Variants in COL4A1 observed in about 807,000 individuals in gnomAD.
The protein encoded by COL4A1 is collagen type IV alpha 1 chain, also known as collagen alpha-1(IV) chain.
In COL4A1, 40 loss-of-function variants were observed where a neutral mutation model predicts 216.6. The observed-to-expected ratio is 0.18, with a 90% CI of 0.14 to 0.24. The LOEUF (loss-of-function observed/expected upper bound fraction) is 0.24. Among genes scored for constraint, COL4A1 ranks in the 10% least tolerant of loss-of-function variants. COL4A1 has a pLI of 1.00. For missense variants in COL4A1, 1,628 were observed against 2,196.8 expected (o/e 0.74, Z 5.18); for synonymous variants, 839 against 810.7 (o/e 1.03, Z -0.59).
chr13:110,224,299 C>A (rs929614614), intron 2 of COL4A1, among the ~76,000 whole-genome samples: 1 of 152,136 alleles, frequency 6.6e-6, no homozygotes, highest in African/African-American at 2.4e-5. Flanking sequence ...AAGAGGTTAG[C>A]TCTCTTCTGA....
intron 11 of COL4A1, 146 bp downstream of exon 11, chr13:110,209,246 T>G: frequency 1.5e-6 from 1 of 670,984 alleles, no homozygotes; most frequent in Non-Finnish European, 2.6e-6. Flanking sequence ...AAATGATATA[T>G]GATAGATACT....
intron 1 of COL4A1, among the ~76,000 whole-genome samples, chr13:110,259,204 A>G (rs781742938): frequency 6.6e-6 from 1 of 152,186 alleles, no homozygotes; most frequent in Non-Finnish European, 1.5e-5. Flanking sequence ...TTTCTTTTCA[A>G]AAAGTCACCA....
chr13:110,203,092 G>A (rs1420331926), intron 18 of COL4A1, among the ~76,000 whole-genome samples: 4 of 151,900 alleles, frequency 2.6e-5, no homozygotes, highest in East Asian at 1.9e-4. Flanking sequence ...GGGCACCTGC[G>A]ATCACAGCTA....
At chr13:110,257,663 T>G (rs139205999) in intron 1 of COL4A1, among the ~76,000 whole-genome samples, 3 of 152,250 alleles carry the variant, frequency 2.0e-5, no homozygotes, top group African/African-American at 7.2e-5. Context: ...TCAGTGCATG[T>G]TGAGGCCTCC....
At chr13:110,270,293 C>A (rs1416922123) in intron 1 of COL4A1, among the ~76,000 whole-genome samples, 6 of 152,200 alleles carry the variant, frequency 3.9e-5, no homozygotes, top group Non-Finnish European at 1.5e-5. Context: ...AACAGTGCAA[C>A]CTTCCTCTTA....
At chr13:110,282,791 T>C (rs952883235) in intron 1 of COL4A1, among the ~76,000 whole-genome samples, 4 of 152,212 alleles carry the variant, frequency 2.6e-5, no homozygotes, top group African/African-American at 7.2e-5. Context: ...ATGAACTCTT[T>C]ATTTAAGTAT....
chr13:110,229,637 A>C (rs1171954925), intron 2 of COL4A1, among the ~76,000 whole-genome samples: 2 of 152,262 alleles, frequency 1.3e-5, no homozygotes, highest in South Asian at 4.1e-4. Flanking sequence ...TCATGAACAG[A>C]ATTAGTGTTC....
chr13:110,183,039 A>T lies in COL4A1; in HGVS notation c.2049T>A (p.Ala683=), dbSNP rs766844993. 56 of 1,613,284 alleles carry T rather than the reference A, an allele frequency of 3.5e-5. No individual in the cohort carries two copies. Among genetic ancestry groups the T allele is most frequent in the Non-Finnish European group, 4.5e-5 (53 of 1,179,930 alleles). ...GRPGLPGEKG[A]VGQPGIGFPG... The stretch of plus-strand genomic sequence containing the variant: ...GAAATCCAATGCCTGGCTGGCCCAC[A>T]GCGCCCTTCTCTCCTGGCAGGCCTG... The change falls in exon 28 of 52, where the codon GCT becomes GCA. Residue 683 remains alanine, a synonymous_variant. Transcript: ENST00000375820.
chr13:110,306,774 A>G (rs1412074625), intron 1 of COL4A1, among the ~76,000 whole-genome samples, 170 bp downstream of exon 1: 1 of 152,182 alleles, frequency 6.6e-6, no homozygotes, highest in Non-Finnish European at 1.5e-5. Context: ...CCAATGCGCG[A>G]TCGTAGCCTA....
At position 110,306,990 on chromosome 13, in the gene COL4A1, G is replaced by A. The variant is rs1031870898; in HGVS notation, c.38C>T (p.Pro13Leu). ...CTCCTCGTGGAGCAGAAGGGCGGCG[G>A]GCAGCAGCAGCAGCCAGACGCTGAG... ...PRLSVWLLLL[P>L]AALLLHEEHS... is the part of the protein sequence containing the mutation. The change falls in exon 1 of 52, where the codon CCC becomes CTC. Residue 13 changes from proline to leucine, a missense_variant. By Grantham distance (98) the Pro-to-Leu change is moderately conservative. Transcript: ENST00000375820. The A allele has an allele frequency of 8.1e-6, 12 of 1,474,772 alleles. No homozygotes were observed. In the Admixed American group the frequency reaches 2.5e-4, roughly 31 times the overall value. The allele number at this position is 1,474,772 out of a possible 1,614,324, so 91.4% of individuals were successfully genotyped here. A position where few individuals can be genotyped will look rare whatever the true frequency, so the allele number is the denominator to read the frequency against.
Position 110,178,956 on chromosome 13 carries a change from G to A in COL4A1, c.2425C>T (p.Pro809Ser), listed in dbSNP as rs1388011423. 5.0e-6 allele frequency: 8 copies of A among 1,612,174 alleles called. No individual in the cohort carries two copies. In the Admixed American group the frequency reaches 5.0e-5, roughly 10 times the overall value. ...PGIGPPGARGPPGGQGPPGLS... is the reference protein window; with the variant it reads ...PGIGPPGARGSPGGQGPPGLS... ...CCCGGTGGTCCCTGTCCTCCAGGGG[G>A]ACCCCTAGCTCCAGGGGGGCCTATT... Residue 809 changes from proline to serine, a missense_variant, in exon 31 of 52, where the codon CCC (proline) becomes TCC (serine). Physicochemically the swap from Pro to Ser is moderately conservative, Grantham distance 74. Around this residue, in one of 8 missense-constraint regions of COL4A1, gnomAD observed 701 missense variants for 892.5 expected, o/e 0.79. Coordinates refer to ENST00000375820, the MANE Select transcript of COL4A1 (RefSeq NM_001845.6).
At chr13:110,230,419 G>A (rs1880982640) in intron 2 of COL4A1, among the ~76,000 whole-genome samples, 1 of 152,148 alleles carries the variant, frequency 6.6e-6, no homozygotes, top group African/African-American at 2.4e-5. Context: ...GTGACACCCT[G>A]GAAAATCACA....
Position 110,192,923 on chromosome 13 carries a change from A to G in COL4A1, c.1382-10T>C. 2 of 1,613,796 alleles carry G rather than the reference A, an allele frequency of 1.2e-6. No homozygotes were observed. The highest frequency in any genetic ancestry group is 1.7e-6 in the Non-Finnish European group (2 of 1,179,618). ...CTCTCTCCTTTTTGACCTAAAAAAGAAAACACAAAGGTGCTTACGTGTAAC... is the reference window on the plus strand; with the variant it reads ...CTCTCTCCTTTTTGACCTAAAAAAGGAAACACAAAGGTGCTTACGTGTAAC... On this transcript the variant is annotated splice_polypyrimidine_tract_variant and intron_variant, in intron 22 of 51. Transcript: ENST00000375820.
Position 110,206,857 on chromosome 13 carries a change from G to C in COL4A1, c.807+8C>G. The C allele has an allele frequency of 1.9e-6, 3 of 1,613,810 alleles. No individual in the cohort carries two copies. The highest frequency in any genetic ancestry group is 1.1e-5 in the South Asian group (1 of 90,974). On this transcript the variant is annotated splice_region_variant and intron_variant, in intron 14 of 51. Transcript: ENST00000375820. ...CCTAAAAATGATAGGCAGAAACTGA[G>C]TACTGACCTGAAATCCAGGTTCACC...
At chr13:110,281,004 C>T (rs1190718113) in intron 1 of COL4A1, among the ~76,000 whole-genome samples, 1 of 152,176 alleles carries the variant, frequency 6.6e-6, no homozygotes, top group Admixed American at 6.5e-5. Flanking sequence ...CTTTTCTCCT[C>T]ACCCCAACCA....
intron 2 of COL4A1, among the ~76,000 whole-genome samples, chr13:110,220,944 C>A (rs887343239): frequency 2.6e-5 from 4 of 152,186 alleles, no homozygotes; most frequent in Non-Finnish European, 4.4e-5. Context: ...CAAGCCCTCA[C>A]GATAAGGTCC....
intron 2 of COL4A1, among the ~76,000 whole-genome samples, chr13:110,229,223 A>G (rs1456500660): frequency 6.6e-6 from 1 of 152,228 alleles, no homozygotes; most frequent in African/African-American, 2.4e-5. Context: ...CATGTACTGC[A>G]TACCAAAGTT....
chr13:110,217,972 T>A (rs962016889), intron 2 of COL4A1, among the ~76,000 whole-genome samples: 2 of 152,226 alleles, frequency 1.3e-5, no homozygotes, highest in African/African-American at 2.4e-5. Context: ...ACCCAATTAT[T>A]TCCCTTCCTC....
chr13:110,241,614 G>C (rs1445943306), intron 2 of COL4A1, among the ~76,000 whole-genome samples: 1 of 152,132 alleles, frequency 6.6e-6, no homozygotes, highest in Non-Finnish European at 1.5e-5. Context: ...AATTAGAGTT[G>C]ATATGAAAAG....
Sources: gnomAD v4.1 joint callset for allele counts (sites outside exome capture counted in the v4.1 genomes callset) on GRCh38, gnomAD v4.1.1 for gene constraint, gnomAD v4.1.1 regional missense constraint, MANE v1.5 for transcripts, NCBI Gene and HGNC (gene_info 2026-07-23, HGNC 2026-07-21) for gene names.